The following CPLX4 variants were observed in gnomAD, a reference collection of about 807,000 sequenced individuals.
The protein encoded by CPLX4 is complexin 4.
A neutral mutation model predicts 16.1 loss-of-function variants in CPLX4; 17 were observed. The observed-to-expected ratio is 1.06, with a 90% CI of 0.72 to 1.59. The LOEUF (loss-of-function observed/expected upper bound fraction) is 1.59. Ranked by LOEUF, CPLX4 falls within the 40% of genes most tolerant of loss-of-function variation. The pLI, the probability that CPLX4 is intolerant of heterozygous loss-of-function variation, is 0.00. For synonymous variants in CPLX4, 55 were observed against 57.8 expected, an observed-to-expected ratio of 0.95 and a Z score of 0.22; for missense variants, 193 against 192.9, an observed-to-expected ratio of 1.00 and a Z score of 0.00.
intron 2 of CPLX4, among the ~76,000 whole-genome samples, chr18:59,309,838 A>AAG (rs1296359446): frequency 1.8e-5 from 2 of 113,306 alleles, no homozygotes; most frequent in Non-Finnish European, 4.0e-5. Flanking sequence ...AAAAAAAAAA[A>AAG]AAAAGAAAAA....
At chr18:59,310,868 A>G (rs1457424755) in intron 2 of CPLX4, among the ~76,000 whole-genome samples, 1 of 151,994 alleles carries the variant, frequency 6.6e-6, no homozygotes, top group Non-Finnish European at 1.5e-5. Context: ...TTCTCCCTAG[A>G]TCCCTACAGA....
intron 1 of CPLX4, among the ~76,000 whole-genome samples, chr18:59,315,966 C>T (rs553029515): frequency 6.6e-6 from 1 of 152,312 alleles, no homozygotes; most frequent in Non-Finnish European, 1.5e-5. Context: ...AGTCTCCCCC[C>T]ACCAAGTAAA....
chr18:59,317,135 A>G (rs2070656242), intron 1 of CPLX4, among the ~76,000 whole-genome samples: 1 of 152,156 alleles, frequency 6.6e-6, no homozygotes, highest in Non-Finnish European at 1.5e-5. Flanking sequence ...TCAGAAAAAT[A>G]CAATAGACAA....
At chr18:59,308,027 C>A (rs1201297179) in intron 2 of CPLX4, among the ~76,000 whole-genome samples, 4 of 152,102 alleles carry the variant, frequency 2.6e-5, no homozygotes, top group Non-Finnish European at 5.9e-5. Flanking sequence ...ATCCGCCCGC[C>A]TCGGCCTCTC....
intron 1 of CPLX4, among the ~76,000 whole-genome samples, chr18:59,315,510 T>C (rs1218429984): frequency 6.6e-6 from 1 of 152,228 alleles, no homozygotes; most frequent in Non-Finnish European, 1.5e-5. Context: ...TCTTTTAACG[T>C]ATAAAAGTTT....
At chr18:59,310,268 A>T (rs9949207) in intron 2 of CPLX4, among the ~76,000 whole-genome samples, 14,235 of 152,170 alleles carry the variant, frequency 0.094, 873 homozygotes, top group African/African-American at 0.17. Flanking sequence ...CTATGCAGGT[A>T]TAGCCACAAT....
At chr18:59,305,406 G>A (rs541946476) in intron 2 of CPLX4, among the ~76,000 whole-genome samples, 5 of 152,260 alleles carry the variant, frequency 3.3e-5, no homozygotes, top group African/African-American at 1.2e-4. Context: ...AACAGGATCA[G>A]ATTTGCATTT....
chr18:59,306,141 C>T (rs139663762), intron 2 of CPLX4, among the ~76,000 whole-genome samples: 103 of 152,318 alleles, frequency 6.8e-4, no homozygotes, highest in Middle Eastern at 6.8e-3. Context: ...TCAGAAAGTA[C>T]TGTTTCCTTG....
At chr18:59,302,187 T>C (rs976502117) in intron 2 of CPLX4, among the ~76,000 whole-genome samples, 2 of 152,240 alleles carry the variant, frequency 1.3e-5, no homozygotes, top group African/African-American at 2.4e-5. Context: ...GACAGGACCT[T>C]GTCTGCAATT....
intron 2 of CPLX4, among the ~76,000 whole-genome samples, chr18:59,302,361 A>T (rs897002411): frequency 1.3e-5 from 2 of 152,230 alleles, no homozygotes; most frequent in African/African-American, 4.8e-5. Context: ...AATCAGCATC[A>T]CTACAGGCCG....
rs374075638 is a variant in CPLX4 at position 59,296,274 on chromosome 18, C to T, written c.*424G>A. 22 of 212,418 alleles carry T rather than the reference C, an allele frequency of 1.0e-4. No individual in the cohort carries two copies. The East Asian group carries it at 2.8e-3, about 27-fold the overall frequency. The allele number at this position is 212,418 out of a possible 1,614,324, so 13.2% of individuals were successfully genotyped here. On this transcript the variant is annotated 3_prime_UTR_variant, in exon 3 of 3. Coordinates refer to ENST00000299721, the MANE Select transcript of CPLX4 (RefSeq NM_181654.4). ...CAGCTCCCTGTGGGAAACCCGGCTC[C>T]CAGTAGACACCTTGACTCTCCACAT... is the stretch of plus-strand genomic sequence containing the variant.
chr18:59,305,611 T>C (rs2070571500), intron 2 of CPLX4, among the ~76,000 whole-genome samples: 2 of 152,186 alleles, frequency 1.3e-5, no homozygotes, highest in Non-Finnish European at 1.5e-5. Context: ...AAGTGGAGCC[T>C]ATAGGAGGAG....
intron 2 of CPLX4, among the ~76,000 whole-genome samples, chr18:59,309,667 C>CA (rs2070602021): frequency 6.6e-6 from 1 of 151,536 alleles, no homozygotes; most frequent in East Asian, 1.9e-4. Context: ...ACTAAAAATA[C>CA]AAAAAATTAG....
chr18:59,309,836 A>T (rs781643920), intron 2 of CPLX4, among the ~76,000 whole-genome samples: 1 of 112,748 alleles, frequency 8.9e-6, no homozygotes, highest in South Asian at 2.9e-4. Flanking sequence ...AAAAAAAAAA[A>T]AAAAAAGAAA....
At chr18:59,299,396 C>T (rs73960762) in intron 2 of CPLX4, among the ~76,000 whole-genome samples, 6 of 152,140 alleles carry the variant, frequency 3.9e-5, no homozygotes, top group African/African-American at 1.4e-4. Context: ...AGTAAGATCC[C>T]CAAGCATGTC....
At chr18:59,318,249 A>G (rs1351335232) in intron 1 of CPLX4, 47 bp downstream of exon 1, 1 of 1,525,936 alleles carries the variant, frequency 6.6e-7, no homozygotes, top group Non-Finnish European at 8.8e-7. Flanking sequence ...TATGGCCAGA[A>G]TGAATTTCCT....
At chr18:59,316,257 G>GCGCA (rs142801615) in intron 1 of CPLX4, among the ~76,000 whole-genome samples, 2 of 150,952 alleles carry the variant, frequency 1.3e-5, no homozygotes, top group African/African-American at 4.9e-5. Flanking sequence ...TGGTGCGTGC[G>GCGCA]CACACACACA....
chr18:59,301,531 A>G (rs1192933547), intron 2 of CPLX4, among the ~76,000 whole-genome samples: 2 of 151,570 alleles, frequency 1.3e-5, no homozygotes, highest in Admixed American at 6.5e-5. Flanking sequence ...AGCCTGTGCC[A>G]TGGACATCTT....
intron 1 of CPLX4, among the ~76,000 whole-genome samples, chr18:59,314,384 C>A (rs953156278): frequency 8.6e-5 from 13 of 152,020 alleles, no homozygotes; most frequent in Admixed American, 2.0e-4. Flanking sequence ...TCTCTTTATC[C>A]ACATTTTACT....
Sources: allele counts gnomAD v4.1 joint callset (sites outside exome capture counted in the v4.1 genomes callset), GRCh38; gene constraint gnomAD v4.1.1; transcripts MANE v1.5; gene names NCBI Gene and HGNC (gene_info 2026-07-23, HGNC 2026-07-21).